The following SPPL3 variants were observed in gnomAD, a reference collection of about 807,000 sequenced individuals.
The protein encoded by SPPL3 is signal peptide peptidase like 3.
SPPL3 carries 5 observed loss-of-function variants against 42.4 expected under a neutral mutation model. The ratio of observed to expected loss-of-function variants is 0.12; its 90% confidence interval spans 0.06 to 0.25. The LOEUF is 0.25. Ranked by LOEUF, SPPL3 falls within the 10% of genes least tolerant of loss-of-function variation. SPPL3 has a pLI of 1.00. For missense variants in SPPL3, 235 were observed against 489.0 expected, an observed-to-expected ratio of 0.48 and a Z score of 4.90; for synonymous variants, 195 against 181.8, an observed-to-expected ratio of 1.07 and a Z score of -0.58.
intron 1 of SPPL3, among the ~76,000 whole-genome samples, chr12:120,828,063 C>T (rs1317529315): frequency 4.6e-5 from 7 of 152,210 alleles, no homozygotes; most frequent in Admixed American, 4.6e-4. Context: ...GTTGGGATTA[C>T]AGGCATGAGC....
intron 2 of SPPL3, among the ~76,000 whole-genome samples, chr12:120,807,532 G>C (rs2136999046): frequency 1.3e-5 from 2 of 152,050 alleles, no homozygotes; most frequent in Middle Eastern, 6.8e-3. Flanking sequence ...AAATCAGCCG[G>C]GCATGGTGGC....
In SPPL3 at chr12:120,764,955, G is replaced by A; in HGVS notation, c.*44C>T. The stretch of plus-strand genomic sequence containing the variant: ...AGAGGAAACAAACCATGAGTTGAGA[G>A]AAAAGGACTATGACGGCCATCTGGT... On this transcript the variant is annotated 3_prime_UTR_variant, in exon 11 of 11. Transcript: ENST00000353487. 1 of 1,600,214 alleles carries A rather than the reference G, an allele frequency of 6.2e-7. No homozygotes were observed. Among genetic ancestry groups the A allele is most frequent in the Non-Finnish European group, 8.5e-7 (1 of 1,170,792 alleles).
At chr12:120,865,300 T>C (rs1872725193) in intron 1 of SPPL3, among the ~76,000 whole-genome samples, 1 of 152,234 alleles carries the variant, frequency 6.6e-6, no homozygotes, top group South Asian at 2.1e-4. Context: ...TACACTGCTC[T>C]ACAATGCACT....
At chr12:120,882,022 T>A (rs2137058402) in intron 1 of SPPL3, among the ~76,000 whole-genome samples, 1 of 152,086 alleles carries the variant, frequency 6.6e-6, no homozygotes, top group East Asian at 1.9e-4. Flanking sequence ...AATGGAAATT[T>A]CCAGAAAAAA....
At chr12:120,847,498 G>C (rs771924681) in intron 1 of SPPL3, among the ~76,000 whole-genome samples, 2 of 151,824 alleles carry the variant, frequency 1.3e-5, no homozygotes, top group Non-Finnish European at 2.9e-5. Flanking sequence ...TCAACATGTT[G>C]CCCAGGCTGG....
intron 1 of SPPL3, among the ~76,000 whole-genome samples, chr12:120,834,410 T>C (rs150024946): frequency 0.013 from 2,033 of 152,108 alleles, 35 homozygotes; most frequent in African/African-American, 0.043. Context: ...TAGGGGTGGT[T>C]GGTGGGGACT....
chr12:120,801,292 T>G (rs368314769), intron 2 of SPPL3, among the ~76,000 whole-genome samples: 5 of 152,170 alleles, frequency 3.3e-5, no homozygotes, highest in African/African-American at 7.2e-5. Context: ...TAGCTGGGCC[T>G]CCTCTTCTCT....
chr12:120,778,692 A>C (rs947931529), intron 6 of SPPL3, among the ~76,000 whole-genome samples: 1 of 152,216 alleles, frequency 6.6e-6, no homozygotes, highest in African/African-American at 2.4e-5. Flanking sequence ...TCCACTTGCT[A>C]GTTTATTTCC....
chr12:120,897,019 T>C (rs900513442), intron 1 of SPPL3, among the ~76,000 whole-genome samples: 2 of 152,200 alleles, frequency 1.3e-5, no homozygotes, highest in African/African-American at 2.4e-5. Context: ...ACACTCTCTT[T>C]CTCTTTTTAG....
At chr12:120,806,322 CGA>C (rs1870487729) in intron 2 of SPPL3, among the ~76,000 whole-genome samples, 1 of 151,556 alleles carries the variant, frequency 6.6e-6, no homozygotes, top group Non-Finnish European at 1.5e-5. Flanking sequence ...CCTTAGCTCG[CGA>C]GTCGCTGGGA....
At chr12:120,892,897 G>C (rs924635799) in intron 1 of SPPL3, among the ~76,000 whole-genome samples, 1 of 150,546 alleles carries the variant, frequency 6.6e-6, no homozygotes, top group Non-Finnish European at 1.5e-5. Flanking sequence ...CAGGAGAATG[G>C]CGTGAACCCG....
intron 2 of SPPL3, among the ~76,000 whole-genome samples, chr12:120,809,951 C>A (rs756991767): frequency 7.3e-5 from 11 of 151,536 alleles, no homozygotes; most frequent in Non-Finnish European, 1.2e-4. Context: ...TACTTACTTA[C>A]AAGCATTTTA....
intron 1 of SPPL3, among the ~76,000 whole-genome samples, chr12:120,900,104 A>C (rs1873928459): frequency 6.6e-6 from 1 of 151,996 alleles, no homozygotes; most frequent in Non-Finnish European, 1.5e-5. Flanking sequence ...AGAATAATAA[A>C]CCTCCATGTA....
intron 1 of SPPL3, among the ~76,000 whole-genome samples, chr12:120,864,903 T>A (rs1872715107): frequency 6.6e-6 from 1 of 152,100 alleles, no homozygotes; most frequent in African/African-American, 2.4e-5. Context: ...GTTAAAAAAA[T>A]AACAAAACAA....
At chr12:120,879,849 A>T (rs1873225098) in intron 1 of SPPL3, among the ~76,000 whole-genome samples, 1 of 152,146 alleles carries the variant, frequency 6.6e-6, no homozygotes, top group Admixed American at 6.5e-5. Context: ...ATGTGGATTT[A>T]AAAAACTTAC....
At chr12:120,871,122 T>C (rs1164704439) in intron 1 of SPPL3, among the ~76,000 whole-genome samples, 1 of 17,160 alleles carries the variant, frequency 5.8e-5, no homozygotes, top group Non-Finnish European at 1.0e-4. Context: ...AGAGTGAGAC[T>C]CCGTCTCCAA....
At chr12:120,801,424 A>AT (rs34670229) in intron 2 of SPPL3, among the ~76,000 whole-genome samples, 6,669 of 145,600 alleles carry the variant, frequency 0.046, 421 homozygotes, top group African/African-American at 0.15. Flanking sequence ...CCATCTGGCC[A>AT]TTTTTTTTTT....
chr12:120,848,504 T>A (rs1872117904), intron 1 of SPPL3, among the ~76,000 whole-genome samples: 1 of 152,206 alleles, frequency 6.6e-6, no homozygotes, highest in African/African-American at 2.4e-5. Context: ...ATTAACAGAA[T>A]GGCAAGGATT....
chr12:120,842,593 T>C (rs1871868420), intron 1 of SPPL3, among the ~76,000 whole-genome samples: 1 of 152,098 alleles, frequency 6.6e-6, no homozygotes, highest in African/African-American at 2.4e-5. Context: ...CAGGTGCCAG[T>C]AGATTCTGTC....
Sources: allele counts gnomAD v4.1 joint callset (sites outside exome capture counted in the v4.1 genomes callset), GRCh38; gene constraint gnomAD v4.1.1; transcripts MANE v1.5; gene names NCBI Gene and HGNC (gene_info 2026-07-23, HGNC 2026-07-21).